Variants in MINK1 observed in about 807,000 individuals in gnomAD.
MINK1 encodes misshapen-like kinase 1.
Under a neutral mutation model 178.4 loss-of-function variants are expected in MINK1, and 46 were observed. The ratio of observed to expected loss-of-function variants is 0.26; its 90% confidence interval spans 0.20 to 0.33. The LOEUF is 0.33. MINK1 is among the 10% of genes least tolerant of loss of function. The probability of loss-of-function intolerance (pLI) is 1.00; values close to 1 mark genes in which losing one functional copy is unlikely to be tolerated. For missense variants in MINK1, 1,366 were observed against 1,814.9 expected (o/e 0.75, Z 4.49); for synonymous variants, 797 against 709.7 (o/e 1.12, Z -1.96).
chr17:4,893,659 TG>T, intron 21 of MINK1, 62 bp downstream of exon 21: 1 of 1,482,548 alleles, frequency 6.7e-7, no homozygotes, highest in Non-Finnish European at 9.0e-7. Context: ...GAAGTGGCAG[TG>T]GGGAAGAGGT....
chr17:4,845,350 G>T (rs1490276608), intron 1 of MINK1, among the ~76,000 whole-genome samples: 1 of 152,170 alleles, frequency 6.6e-6, no homozygotes, highest in African/African-American at 2.4e-5. Flanking sequence ...TTCTGGTTCT[G>T]CTATGCTCAT....
rs62073639 is a variant in MINK1 at position 4,895,994 on chromosome 17, C to T, written c.3365-9C>T. The T allele has an allele frequency of 0.032, 51,473 of 1,586,222 alleles. 1,027 individuals are homozygous for T. The highest frequency in any genetic ancestry group is 0.038 in the Non-Finnish European group (44,825 of 1,166,284). ...AAGTCTCAGCATCCCTCTTCTCTCCCGCCCCCAGTGAAATACGAGCGGATT... is the reference window on the plus strand; with the variant it reads ...AAGTCTCAGCATCCCTCTTCTCTCCTGCCCCCAGTGAAATACGAGCGGATT... On this transcript the variant is annotated splice_polypyrimidine_tract_variant and intron_variant, in intron 27 of 31. Transcript: ENST00000355280. The surrounding 1 kb of genome is among the most constrained non-coding windows in gnomAD (Gnocchi z 4.3).
Position 4,889,737 on chromosome 17 carries a change from G to A in MINK1, c.1321G>A (p.Glu441Lys). The change falls in exon 13 of 32, where the codon GAG becomes AAG. Residue 441 changes from glutamate (E) to lysine (K), a missense_variant. Physicochemically the swap from Glu to Lys is moderately conservative, Grantham distance 56. Around this residue, in one of 14 missense-constraint regions of MINK1, gnomAD observed 87 missense variants for 78.9 expected, o/e 1.10. Coordinates refer to ENST00000355280, the MANE Select transcript of MINK1 (RefSeq NM_153827.5). ...CATGCAGGCTCTGCGGCGGGAGGAGGAGCGGCGGCAGGCGGAGCGCGAGCA... is the reference window on the plus strand; with the variant it reads ...CATGCAGGCTCTGCGGCGGGAGGAGAAGCGGCGGCAGGCGGAGCGCGAGCA... ...EDMQALRREE[E>K]RRQAEREQEY... The A allele has an allele frequency of 6.5e-7, 1 of 1,545,746 alleles. No homozygotes were observed.
intron 1 of MINK1, among the ~76,000 whole-genome samples, chr17:4,844,999 T>G (rs1423889915): frequency 1.3e-5 from 2 of 152,186 alleles, no homozygotes; most frequent in Non-Finnish European, 2.9e-5. Context: ...CTGTACCCAT[T>G]AAACACTGAC....
chr17:4,890,359 G>A (rs1337746033), intron 13 of MINK1, 158 bp from the exon 14 acceptor site: 18 of 1,432,616 alleles, frequency 1.3e-5, no homozygotes, highest in Non-Finnish European at 1.6e-5. Flanking sequence ...GAGCTTCTTT[G>A]CTGGAACGGG....
At position 4,889,654 on chromosome 17, in the gene MINK1, G is replaced by GGCGGGA. The variant is rs1312111450; in HGVS notation, c.1247_1252dup (p.Arg416_Glu417dup). On this transcript the variant is annotated inframe_insertion, in exon 13 of 32. Transcript: ENST00000355280. ...ACCTGGCTCTCCCCACAGCAACAGC[G>GGCGGGA]GCGGGAGCGGGAGCAGCGGAAGCTG... is the stretch of plus-strand genomic sequence containing the variant. 2.6e-6 allele frequency: 4 copies of GGCGGGA among 1,566,770 alleles called. No homozygotes were observed. Among genetic ancestry groups the GGCGGGA allele is most frequent in the African/African-American group, 1.4e-5 (1 of 73,770 alleles).
intron 1 of MINK1, among the ~76,000 whole-genome samples, chr17:4,856,092 C>T (rs1597420503): frequency 1.3e-5 from 2 of 152,112 alleles, no homozygotes; most frequent in African/African-American, 4.8e-5. Flanking sequence ...TGCTGGTGAC[C>T]CCTTCTCCTT....
intron 17 of MINK1, 77 bp from the exon 18 acceptor site, chr17:4,892,324 TG>T (rs36079581): frequency 0.57 from 824,101 of 1,457,758 alleles, 238,642 homozygotes; most frequent in Admixed American, 0.68. Context: ...CCTACCCGCC[TG>T]GGGGTGGGAA....
At chr17:4,846,975 G>T (rs750532296) in intron 1 of MINK1, among the ~76,000 whole-genome samples, 1 of 152,214 alleles carries the variant, frequency 6.6e-6, no homozygotes, top group Non-Finnish European at 1.5e-5. Context: ...AGATTGGTCA[G>T]TGTGGAGTCC....
chr17:4,846,091 G>C (rs1910984245), intron 1 of MINK1, among the ~76,000 whole-genome samples: 1 of 152,246 alleles, frequency 6.6e-6, no homozygotes, highest in Admixed American at 6.5e-5. Context: ...AGGTGGCCCA[G>C]GAAGAGAGGA....
At position 4,895,064 on chromosome 17, in the gene MINK1, CCTT is replaced by C. The variant is rs760711572; in HGVS notation, c.2918-8_2918-6del. On this transcript the variant is annotated splice_region_variant and splice_polypyrimidine_tract_variant and intron_variant, in intron 24 of 31. Coordinates refer to ENST00000355280, the MANE Select transcript of MINK1 (RefSeq NM_153827.5). This position sits in a 1 kb window ranked among gnomAD's most constrained non-coding sequence, Gnocchi z 4.3. ...GCAGCCCCTCCTCCCACCTCCTCCTCCTTCTGGCAGCCCTAGTGGGTGGAGAGG... is the reference window on the plus strand; with the variant it reads ...GCAGCCCCTCCTCCCACCTCCTCCTCCTGGCAGCCCTAGTGGGTGGAGAGG... The C allele has an allele frequency of 1.1e-5, 17 of 1,612,822 alleles. No homozygotes were observed. The South Asian group carries it at 1.3e-4, about 13-fold the overall frequency.
In MINK1 at chr17:4,839,938, A is replaced by AGT. The variant is rs1567553459; in HGVS notation, c.57+6298_57+6299insGT. ...GACATTAATCAAGTAATTATTTATTAATGTGTGTGTGTGTGTGTGTGTGTG... is the reference window on the plus strand; with the variant it reads ...GACATTAATCAAGTAATTATTTATTAGTATGTGTGTGTGTGTGTGTGTGTGTG... On this transcript the variant is annotated intron_variant, in intron 1 of 31. Transcript: ENST00000355280. Among the ~76,000 whole-genome samples the AGT allele has an allele frequency of 3.4e-4, 35 of 102,394 alleles. No homozygotes were observed. In the East Asian group the frequency reaches 9.6e-3, roughly 28 times the overall value. 67.2% of individuals were successfully genotyped at this position (102,394 alleles called of 152,430 possible). A position where few individuals can be genotyped will look rare whatever the true frequency, so the allele number is the denominator to read the frequency against.
In MINK1 at chr17:4,896,420, T is replaced by C. The variant is rs770739288; in HGVS notation, c.3616-9T>C. On this transcript the variant is annotated splice_polypyrimidine_tract_variant and intron_variant, in intron 29 of 31. Coordinates refer to ENST00000355280, the MANE Select transcript of MINK1 (RefSeq NM_153827.5). The surrounding 1 kb of genome is among the most constrained non-coding windows in gnomAD (Gnocchi z 4.6). ...ACACGGAGACTCTAGTCCCCCTCCT[T>C]CTCCCCAGATCCAGAGCCAGATCAC... 76 of 1,613,068 alleles carry C rather than the reference T, an allele frequency of 4.7e-5. No individual in the cohort carries two copies. Among genetic ancestry groups the C allele is most frequent in the Admixed American group, 1.7e-4 (10 of 59,942 alleles).
At chr17:4,875,217 C>A (rs1403286678) in intron 1 of MINK1, 3 of 518,668 alleles carry the variant, frequency 5.8e-6, no homozygotes, top group African/African-American at 5.8e-5. Context: ...TTTCAGGTTC[C>A]TTCCAGCTCT....
intron 4 of MINK1, among the ~76,000 whole-genome samples, chr17:4,884,103 G>T (rs546739262): frequency 1.1e-4 from 17 of 150,438 alleles, no homozygotes; most frequent in Admixed American, 1.1e-3. Context: ...CTGACCTCAG[G>T]TGATCCGCCT....
intron 1 of MINK1, chr17:4,844,641 G>T (rs780146274): frequency 4.3e-6 from 2 of 468,408 alleles, no homozygotes; most frequent in Non-Finnish European, 8.4e-6. Flanking sequence ...GCTCCACGGG[G>T]CTCGTACCCA....
chr17:4,844,647 AC>A, intron 1 of MINK1: 1 of 454,686 alleles, frequency 2.2e-6, no homozygotes, highest in South Asian at 1.6e-5. Flanking sequence ...CGGGGCTCGT[AC>A]CCAGAACTAA....
chr17:4,881,091 G>A (rs1967663645), intron 3 of MINK1, 41 bp from the exon 4 acceptor site: 1 of 1,536,704 alleles, frequency 6.5e-7, no homozygotes, highest in African/African-American at 1.4e-5. Flanking sequence ...AGAAGGGAGT[G>A]TTGGGGGAGT....
At chr17:4,851,499 C>T (rs73973639) in intron 1 of MINK1, among the ~76,000 whole-genome samples, 3,230 of 152,238 alleles carry the variant, frequency 0.021, 96 homozygotes, top group African/African-American at 0.067. Context: ...CGCTGTCTGC[C>T]CCCCTGCGAT....
Sources: gnomAD v4.1 joint callset for allele counts (sites outside exome capture counted in the v4.1 genomes callset) on GRCh38, gnomAD v4.1.1 for gene constraint, gnomAD v4.1.1 regional missense constraint, Gnocchi (gnomAD v3.1) non-coding constraint, MANE v1.5 for transcripts, NCBI Gene and HGNC (gene_info 2026-07-23, HGNC 2026-07-21) for gene names.